The following SUMF2 variants were observed in gnomAD, a reference collection of about 807,000 sequenced individuals.
The protein encoded by SUMF2 is inactive C-alpha-formylglycine-generating enzyme 2.
In SUMF2, 45 loss-of-function variants were observed where a neutral mutation model predicts 44.8. The observed-to-expected ratio is 1.00, with a 90% confidence interval of 0.79 to 1.29. The LOEUF (loss-of-function observed/expected upper bound fraction) is 1.29. SUMF2 is among the 50% of genes most tolerant of loss of function. SUMF2 has a pLI of 0.00. For missense variants in SUMF2, 418 were observed against 389.9 expected (o/e 1.07, Z -0.61); for synonymous variants, 148 against 150.4 (o/e 0.98, Z 0.12).
At chr7:56,081,090 C>G (rs1371056587), downstream of SUMF2, 2 of 1,613,210 alleles carry the variant, frequency 1.2e-6, no homozygotes, top group Non-Finnish European at 1.7e-6. This position sits in a 1 kb window ranked among gnomAD's most constrained non-coding sequence, Gnocchi z 4.6. Context: ...GGAGCACGGC[C>G]TTGGGTGTGT....
downstream of SUMF2, chr7:56,082,372 C>T (rs1053007765): frequency 1.0e-5 from 7 of 692,728 alleles, no homozygotes; most frequent in Admixed American, 5.3e-5. Flanking sequence ...GCAGGTGGCT[C>T]ATCTGAGGCC....
rs765407024 is a variant in SUMF2, at chr7:56,078,186, G to A, written c.676G>A (p.Gly226Arg). 2.0e-5 allele frequency: 33 copies of A among 1,610,268 alleles called. No individual in the cohort carries two copies. The Admixed American group carries it at 4.5e-4, about 22-fold the overall frequency. The change falls in exon 7 of 9, where the codon GGG becomes AGG. Residue 226 changes from glycine to arginine, a missense_variant and splice_region_variant. Gly to Arg is a moderately radical substitution (Grantham distance 125). Coordinates refer to ENST00000434526, the MANE Select transcript of SUMF2 (RefSeq NM_015411.4). ...VNAFPAQNNYGLYDLLGNVWE... is the reference protein window; with the variant it reads ...VNAFPAQNNYRLYDLLGNVWE... Reference sequence around the variant, plus strand: ...TGCTTTCCCCGCCCAGAACAACTACGGTAAGAGCTGTCTTGGGCTTGCGGC... The same window carrying A: ...TGCTTTCCCCGCCCAGAACAACTACAGTAAGAGCTGTCTTGGGCTTGCGGC...
chr7:56,079,120 C>T (rs1043811117), intron 8 of SUMF2: 20 of 476,036 alleles, frequency 4.2e-5, no homozygotes, highest in Middle Eastern at 4.1e-4. Context: ...GCAATCAGCC[C>T]GCCTTGGCCT....
chr7:56,073,208 G>C (rs1281329342), intron 3 of SUMF2, 97 bp downstream of exon 3: 2 of 914,972 alleles, frequency 2.2e-6, no homozygotes, highest in East Asian at 2.5e-5. Flanking sequence ...TGGAGAATCA[G>C]ACCTGAGAGG....
chr7:56,079,732 C>A lies in SUMF2; in HGVS notation c.*120C>A. On this transcript the variant is annotated 3_prime_UTR_variant, in exon 9 of 9. Transcript: ENST00000434526. The stretch of plus-strand genomic sequence containing the variant: ...GCCTCAGGAAAGAACTTCCCCTTCC[C>A]TGTCTCCCATCCCTCTGTGGCAGGC... 6.3e-7 allele frequency: 1 copy of A among 1,590,616 alleles called. No homozygotes were observed. The highest frequency in any genetic ancestry group is 8.6e-7 in the Non-Finnish European group (1 of 1,168,132).
downstream of SUMF2, among the ~76,000 whole-genome samples, chr7:56,085,167 C>G (rs951023294): frequency 6.6e-6 from 1 of 152,134 alleles, no homozygotes; most frequent in African/African-American, 2.4e-5. Flanking sequence ...TGCCATGTTG[C>G]CCAGGCTGGT....
rs182539539 is a variant in SUMF2, at chr7:56,076,280, C to T, written c.536-554C>T. ...TGACCTCCTGATCCGTCTGCCTTGG[C>T]CTCCCAAAGTGCTGGGATTACAGGC... On this transcript the variant is annotated intron_variant, in intron 5 of 8. Coordinates refer to ENST00000434526, the MANE Select transcript of SUMF2 (RefSeq NM_015411.4). Among the ~76,000 whole-genome samples, 1,129 of 152,142 alleles carry T rather than the reference C, an allele frequency of 7.4e-3. 41 individuals carry two copies. Among genetic ancestry groups the T allele is most frequent in the Admixed American group, 0.069 (1,049 of 15,276 alleles).
At chr7:56,069,790 C>T (rs563894994) in intron 2 of SUMF2, among the ~76,000 whole-genome samples, 19 of 151,992 alleles carry the variant, frequency 1.3e-4, no homozygotes, top group African/African-American at 4.1e-4. Context: ...TGCCCTGTTG[C>T]CCAGGCTGGT....
chr7:56,084,358 G>T, downstream of SUMF2: 1 of 566,584 alleles, frequency 1.8e-6, no homozygotes. Context: ...TCAGAAGGAC[G>T]TGAGTATCCC....
chr7:56,071,436 C>T (rs916031990), intron 2 of SUMF2, among the ~76,000 whole-genome samples: 4 of 151,992 alleles, frequency 2.6e-5, no homozygotes, highest in Non-Finnish European at 5.9e-5. Context: ...CTACAGTAAG[C>T]CATGATTGTG....
Position 56,079,814 on chromosome 7 carries a change from A to T in SUMF2, c.*202A>T, listed in dbSNP as rs1562872835. ...TCCTGTGTTTTGGAGAAGGGGCCCA[A>T]TGTGTGTTGACGATGGCTGGGGGCC... On this transcript the variant is annotated 3_prime_UTR_variant, in exon 9 of 9. Coordinates refer to ENST00000434526, the MANE Select transcript of SUMF2 (RefSeq NM_015411.4). 1.3e-6 allele frequency: 2 copies of T among 1,552,390 alleles called. No homozygotes were observed. The highest frequency in any genetic ancestry group is 1.7e-6 in the Non-Finnish European group (2 of 1,147,260).
intron 3 of SUMF2, 152 bp from the exon 4 acceptor site, chr7:56,074,014 CAAAAAAAA>C (rs56927689): frequency 3.6e-3 from 1,154 of 320,172 alleles, no homozygotes; most frequent in Middle Eastern, 5.5e-3. Flanking sequence ...GATCTTGTCT[CAAAAAAAA>C]AAAAAAAAAA....
intron 8 of SUMF2, 90 bp downstream of exon 8, chr7:56,078,598 A>C (rs1584606147): frequency 7.3e-7 from 1 of 1,379,074 alleles, no homozygotes; most frequent in East Asian, 2.6e-5. Flanking sequence ...CCTTCACACC[A>C]CCAACCGTCT....
At chr7:56,069,918 T>C (rs1168384442) in intron 2 of SUMF2, among the ~76,000 whole-genome samples, 1 of 152,094 alleles carries the variant, frequency 6.6e-6, no homozygotes, top group Non-Finnish European at 1.5e-5. Flanking sequence ...TATTTATTTA[T>C]TTATTTAGAG....
At chr7:56,086,868 G>A in the SUMF2 span, 16 of 884,094 alleles carry the variant, frequency 1.8e-5, no homozygotes, top group African/African-American at 2.6e-4. Flanking sequence ...GGCATCCTCA[G>A]CGCAGGAGCT....
At chr7:56,073,942 G>A in intron 3 of SUMF2, 2 of 574,354 alleles carry the variant, frequency 3.5e-6, no homozygotes, top group Non-Finnish European at 6.1e-6. Flanking sequence ...CTGAGTCCAG[G>A]AGGTTGAGAC....
At chr7:56,087,653 T>G in the SUMF2 span, 1 of 1,613,896 alleles carries the variant, frequency 6.2e-7, no homozygotes, top group African/African-American at 1.3e-5. Context: ...TCAGCGTGGC[T>G]TCTCGCAGCT....
chr7:56,074,350 G>A, intron 4 of SUMF2, 132 bp downstream of exon 4: 1 of 1,107,132 alleles, frequency 9.0e-7, no homozygotes, highest in Non-Finnish European at 1.3e-6. Context: ...ATCAGGGAAA[G>A]CGCTCAGCAG....
At chr7:56,068,905 G>T (rs1428376544) in intron 2 of SUMF2, among the ~76,000 whole-genome samples, 1 of 151,488 alleles carries the variant, frequency 6.6e-6, no homozygotes, top group Admixed American at 6.6e-5. Flanking sequence ...TAGAGACGGG[G>T]TTTCTCCATG....
Sources: gnomAD v4.1 joint callset for allele counts (sites outside exome capture counted in the v4.1 genomes callset) on GRCh38, gnomAD v4.1.1 for gene constraint, Gnocchi (gnomAD v3.1) non-coding constraint, MANE v1.5 for transcripts, NCBI Gene and HGNC (gene_info 2026-07-23, HGNC 2026-07-21) for gene names.